Variants in C2orf42 observed in about 807,000 individuals in gnomAD.
The protein encoded by C2orf42 is chromosome 2 open reading frame 42, also known as uncharacterized protein C2orf42.
A neutral mutation model predicts 58.9 loss-of-function variants in C2orf42; 44 were observed. The ratio of observed to expected loss-of-function variants is 0.75; its 90% CI spans 0.59 to 0.96. C2orf42 has a LOEUF of 0.96. Ranked by LOEUF, C2orf42 falls within the 40% of genes least tolerant of loss-of-function variation. C2orf42 has a pLI of 0.00. For synonymous variants in C2orf42, 239 were observed against 265.4 expected (o/e 0.90, Z 0.97); for missense variants, 630 against 699.2 (o/e 0.90, Z 1.12).
At chr2:70,179,421 A>G (rs1273404260) in intron 4 of C2orf42, 111 bp downstream of exon 4, 1 of 383,998 alleles carries the variant, frequency 2.6e-6, no homozygotes, top group Non-Finnish European at 4.8e-6. Flanking sequence ...TAATAAAAAT[A>G]AAATAAAATA....
rs1182285021 is a variant in C2orf42 at position 70,183,753 on chromosome 2, C to T, written c.-281-818G>A. On this transcript the variant is annotated intron_variant, in intron 1 of 9. Coordinates refer to ENST00000264434, the MANE Select transcript of C2orf42 (RefSeq NM_017880.3). ...TTAAAAAAAAAAAAAAAGAACACAC[C>T]TAGAGCTATGTTATATAATTGGTCA... Among the ~76,000 whole-genome samples the T allele has an allele frequency of 3.3e-5, 5 of 151,358 alleles. No homozygotes were observed. In the Admixed American group the frequency reaches 3.3e-4, roughly 10 times the overall value.
At chr2:70,171,854 C>T (rs1673842031) in intron 5 of C2orf42, among the ~76,000 whole-genome samples, 1 of 151,756 alleles carries the variant, frequency 6.6e-6, no homozygotes, top group African/African-American at 2.4e-5. Flanking sequence ...TCTTGCAGCC[C>T]TGGAGTAAAT....
At chr2:70,166,704 A>C (rs891710937) in intron 6 of C2orf42, among the ~76,000 whole-genome samples, 3 of 152,032 alleles carry the variant, frequency 2.0e-5, no homozygotes, top group Non-Finnish European at 2.9e-5. Flanking sequence ...ATGAAAAAAC[A>C]AACCAACACA....
chr2:70,184,535 T>C (rs896006270), intron 1 of C2orf42, among the ~76,000 whole-genome samples: 2 of 137,304 alleles, frequency 1.5e-5, no homozygotes, highest in South Asian at 4.6e-4. Context: ...TTGTCAAAGA[T>C]GGAGTGCAGA....
In C2orf42 at chr2:70,181,960, T is replaced by A. The variant is rs1199821609; in HGVS notation, c.26A>T (p.Lys9Ile). MEPNSLRT[K>I]VPAFLSDLGK... ...CAAATCAGATAAGAAAGCTGGGACTTTAGTCCTCAGAGAATTTGGTTCCAT... is the reference window on the plus strand; with the variant it reads ...CAAATCAGATAAGAAAGCTGGGACTATAGTCCTCAGAGAATTTGGTTCCAT... The change falls in exon 3 of 10, where the codon AAA becomes ATA. Residue 9 changes from lysine to isoleucine, a missense_variant. Coordinates refer to ENST00000264434, the MANE Select transcript of C2orf42 (RefSeq NM_017880.3). 8 of 1,611,820 alleles carry A rather than the reference T, an allele frequency of 5.0e-6. No homozygotes were observed. Among genetic ancestry groups the A allele is most frequent in the Non-Finnish European group, 6.8e-6 (8 of 1,178,532 alleles).
intron 6 of C2orf42, among the ~76,000 whole-genome samples, chr2:70,169,263 AC>A (rs1558668185): frequency 1.3e-5 from 2 of 151,858 alleles, no homozygotes; most frequent in Non-Finnish European, 2.9e-5. Flanking sequence ...ACACACACAC[AC>A]ACACACACAC....
At chr2:70,180,492 C>A in intron 3 of C2orf42, among the ~76,000 whole-genome samples, 1 of 147,546 alleles carries the variant, frequency 6.8e-6, no homozygotes, top group East Asian at 2.0e-4. Flanking sequence ...CCTGTAATCC[C>A]GGCTACTTGG....
chr2:70,158,544 G>C (rs1672847441), intron 9 of C2orf42, among the ~76,000 whole-genome samples: 1 of 152,018 alleles, frequency 6.6e-6, no homozygotes. Flanking sequence ...CCACCTCCTG[G>C]GTTCAAGCAA....
chr2:70,185,422 TAAAAAGAC>T, intron 1 of C2orf42, among the ~76,000 whole-genome samples: 1 of 149,928 alleles, frequency 6.7e-6, no homozygotes, highest in South Asian at 2.1e-4. Flanking sequence ...AAAAAAGTTT[TAAAAAGAC>T]TAGGCACAGT....
intron 9 of C2orf42, among the ~76,000 whole-genome samples, chr2:70,153,499 C>T (rs1672440498): frequency 6.6e-6 from 1 of 150,932 alleles, no homozygotes; most frequent in Admixed American, 6.6e-5. Flanking sequence ...GCTGGGACTA[C>T]AGGCGCCCGC....
intron 3 of C2orf42, among the ~76,000 whole-genome samples, chr2:70,180,859 A>C (rs1489014281): frequency 6.6e-6 from 1 of 151,434 alleles, no homozygotes; most frequent in African/African-American, 2.4e-5. Context: ...AAAATTAGCC[A>C]GGCATGGTGG....
At chr2:70,158,564 C>T (rs1672849268) in intron 9 of C2orf42, among the ~76,000 whole-genome samples, 1 of 152,108 alleles carries the variant, frequency 6.6e-6, no homozygotes, top group Non-Finnish European at 1.5e-5. Context: ...ATTCCCCTAC[C>T]TCAGCCTCCC....
intron 5 of C2orf42, among the ~76,000 whole-genome samples, chr2:70,174,100 G>T (rs1300754982): frequency 6.6e-6 from 1 of 152,018 alleles, no homozygotes; most frequent in Non-Finnish European, 1.5e-5. Flanking sequence ...TTGGGGTCAG[G>T]AGTTTGAGAC....
Position 70,179,563 on chromosome 2 carries a change from C to T in C2orf42, c.903G>A (p.Lys301=). 6.4e-7 allele frequency: 1 copy of T among 1,551,622 alleles called. No individual in the cohort carries two copies. The highest frequency in any genetic ancestry group is 1.4e-5 in the African/African-American group (1 of 73,716). ...CTTCATCCTTTCTCCTCTTCTTTGA[C>T]TTAGAGGCAGTAGACTCACAAGCAG... is the stretch of plus-strand genomic sequence containing the variant. ...TVSACESTAS[K]SKKRRKDEVS... Residue 301 remains lysine, a synonymous_variant, in exon 4 of 10, where the codon AAG becomes AAA. Transcript: ENST00000264434.
intron 6 of C2orf42, among the ~76,000 whole-genome samples, chr2:70,167,592 T>G (rs1182100178): frequency 6.6e-6 from 1 of 150,704 alleles, no homozygotes; most frequent in Non-Finnish European, 1.5e-5. Flanking sequence ...AATACAAAAA[T>G]TAGCCAGGAG....
chr2:70,160,738 T>A lies in C2orf42; in HGVS notation c.1403A>T (p.Tyr468Phe), dbSNP rs191212969. The part of the protein sequence containing the change: ...RSFIQNRDGT[Y>F]ELFKCPKVEV... Reference sequence around the variant, plus strand: ...CACTTTAGGGCATTTAAATAGCTCATAAGTCCCATCTCGGTTCTGGATAAA... The same window carrying A: ...CACTTTAGGGCATTTAAATAGCTCAAAAGTCCCATCTCGGTTCTGGATAAA... The change falls in exon 9 of 10, where the codon TAT becomes TTT. Residue 468 changes from tyrosine to phenylalanine, a missense_variant. Coordinates refer to ENST00000264434, the MANE Select transcript of C2orf42 (RefSeq NM_017880.3). 1.2e-6 allele frequency: 2 copies of A among 1,612,004 alleles called. No homozygotes were observed. Among genetic ancestry groups the A allele is most frequent in the South Asian group, 1.1e-5 (1 of 90,722 alleles).
In C2orf42 at chr2:70,179,521, C is replaced by G. The variant is rs531731689; in HGVS notation, c.934+11G>C. Reference sequence around the variant, plus strand: ...AGACAATACCACCAAACCAACCAACCAGACTCTTACCAGATACTTCATCCT... The same window carrying G: ...AGACAATACCACCAAACCAACCAACGAGACTCTTACCAGATACTTCATCCT... On this transcript the variant is annotated intron_variant, in intron 4 of 9. Coordinates refer to ENST00000264434, the MANE Select transcript of C2orf42 (RefSeq NM_017880.3). 3.0e-5 allele frequency: 35 copies of G among 1,160,132 alleles called. 2 individuals are homozygous for G. In the South Asian group the frequency reaches 4.4e-4, roughly 15 times the overall value. 71.9% of individuals were successfully genotyped at this position (1,160,132 alleles called of 1,614,324 possible). A position where few individuals can be genotyped will look rare whatever the true frequency, so the allele number is the denominator to read the frequency against.
chr2:70,150,482 G>A lies in C2orf42; in HGVS notation c.1599C>T (p.Gly533=), dbSNP rs773804444. The A allele has an allele frequency of 4.5e-5, 72 of 1,613,388 alleles. No individual in the cohort carries two copies. Among genetic ancestry groups the A allele is most frequent in the Non-Finnish European group, 5.8e-5 (68 of 1,179,478 alleles). ...IPDILPQSKI[G]ELRIKFEYGH... is the part of the protein sequence containing the mutation. The stretch of plus-strand genomic sequence containing the variant: ...CATACTCAAACTTGATCCGCAGCTC[G>A]CCAATCTTAGATTGGGGAAGGATAT... Residue 533 remains glycine, a synonymous_variant, in exon 10 of 10, where the codon GGC becomes GGT. Coordinates refer to ENST00000264434, the MANE Select transcript of C2orf42 (RefSeq NM_017880.3).
At chr2:70,160,400 C>T (rs536222167) in intron 9 of C2orf42, among the ~76,000 whole-genome samples, 55 of 152,258 alleles carry the variant, frequency 3.6e-4, no homozygotes, top group African/African-American at 1.3e-3. Flanking sequence ...GTCTTGGCCT[C>T]CCAAAGTGCT....
Sources: gnomAD v4.1 joint callset for allele counts (sites outside exome capture counted in the v4.1 genomes callset) on GRCh38, gnomAD v4.1.1 for gene constraint, MANE v1.5 for transcripts, NCBI Gene and HGNC (gene_info 2026-07-23, HGNC 2026-07-21) for gene names.